The following HMG20A variants were observed in gnomAD, a reference collection of about 807,000 sequenced individuals.
HMG20A encodes high mobility group 20A.
A neutral mutation model predicts 43.9 loss-of-function variants in HMG20A; 17 were observed. The observed-to-expected ratio is 0.39, with a 90% CI of 0.27 to 0.58. The LOEUF is 0.58. HMG20A is among the 20% of genes least tolerant of loss of function. The pLI is 0.59. For missense variants in HMG20A, 341 were observed against 438.2 expected (o/e 0.78, Z 1.98); for synonymous variants, 132 against 147.5 (o/e 0.89, Z 0.76).
chr15:77,510,107 G>A, the HMG20A span, among the ~76,000 whole-genome samples: 1 of 152,164 alleles, frequency 6.6e-6, no homozygotes, highest in African/African-American at 2.4e-5. Flanking sequence ...ATCTGCGGGT[G>A]TATGGGGCTG....
At chr15:77,434,686 C>A (rs143799549) in intron 1 of HMG20A, among the ~76,000 whole-genome samples, 3 of 152,146 alleles carry the variant, frequency 2.0e-5, no homozygotes, top group African/African-American at 4.8e-5. Flanking sequence ...CTCTCAGTAT[C>A]TTGAGGCCTC....
At chr15:77,443,382 T>G (rs75603691) in intron 1 of HMG20A, among the ~76,000 whole-genome samples, 13,633 of 103,630 alleles carry the variant, frequency 0.13, 889 homozygotes, top group African/African-American at 0.24. Context: ...TGATGATGAT[T>G]ATTATTATTA....
intron 9 of HMG20A, among the ~76,000 whole-genome samples, chr15:77,480,142 A>C (rs2072893061): frequency 6.6e-6 from 1 of 151,298 alleles, no homozygotes; most frequent in African/African-American, 2.4e-5. Context: ...AATACAAAAA[A>C]TTAGCCAGGC....
the HMG20A span, among the ~76,000 whole-genome samples, chr15:77,494,910 T>C: frequency 1.3e-5 from 2 of 152,210 alleles, no homozygotes; most frequent in Admixed American, 1.3e-4. Flanking sequence ...AGGGATCTTT[T>C]CTAAAGATCA....
intron 1 of HMG20A, among the ~76,000 whole-genome samples, chr15:77,445,048 TA>T (rs1488249132): frequency 6.6e-6 from 1 of 152,040 alleles, no homozygotes; most frequent in East Asian, 1.9e-4. Context: ...GTCAGTTGAT[TA>T]AAATGAAAAA....
At chr15:77,478,585 G>C in intron 8 of HMG20A, 75 bp downstream of exon 8, 1 of 1,134,002 alleles carries the variant, frequency 8.8e-7, no homozygotes, top group Non-Finnish European at 1.3e-6. Flanking sequence ...GTTTATGTTA[G>C]TACTGGTGTG....
chr15:77,499,945 T>A, the HMG20A span, among the ~76,000 whole-genome samples: 6 of 151,906 alleles, frequency 3.9e-5, no homozygotes, highest in African/African-American at 1.5e-4. Flanking sequence ...TTCTCCTGCC[T>A]CAGCCCTCCC....
At position 77,485,474 on chromosome 15, in the gene HMG20A, T is replaced by C. The variant is rs1019023596; in HGVS notation, c.*2511T>C. On this transcript the variant is annotated 3_prime_UTR_variant, in exon 10 of 10. Coordinates refer to ENST00000336216, the MANE Select transcript of HMG20A (RefSeq NM_001304504.2). ...TTTAGAAAAAACTTGTGTACATGTGTTTGGAACTGTTGAAATGCCAAGTTT... is the reference window on the plus strand; with the variant it reads ...TTTAGAAAAAACTTGTGTACATGTGCTTGGAACTGTTGAAATGCCAAGTTT... 1 of 152,658 alleles carries C rather than the reference T, an allele frequency of 6.6e-6. No individual in the cohort carries two copies. Among genetic ancestry groups the C allele is most frequent in the Non-Finnish European group, 1.5e-5 (1 of 68,044 alleles). 9.5% of individuals were successfully genotyped at this position (152,658 alleles called of 1,614,324 possible).
chr15:77,516,809 G>A, the HMG20A span, among the ~76,000 whole-genome samples: 1 of 152,188 alleles, frequency 6.6e-6, no homozygotes, highest in Non-Finnish European at 1.5e-5. Context: ...CTAGAAGTGA[G>A]ACACAGCCTG....
At chr15:77,481,177 A>C (rs1384980798) in intron 9 of HMG20A, among the ~76,000 whole-genome samples, 3 of 152,200 alleles carry the variant, frequency 2.0e-5, no homozygotes, top group Non-Finnish European at 4.4e-5. Context: ...TAACTGTACA[A>C]GGCAATGCAT....
chr15:77,469,024 C>G lies in HMG20A; in HGVS notation c.450+1717C>G, dbSNP rs151119396. Among the ~76,000 whole-genome samples the G allele has an allele frequency of 4.1e-3, 615 of 151,760 alleles. 1 individual carries two copies. The highest frequency in any genetic ancestry group is 6.4e-3 in the Non-Finnish European group (433 of 67,906). On this transcript the variant is annotated intron_variant, in intron 4 of 9. Transcript: ENST00000336216. Reference sequence around the variant, plus strand: ...CTTTTACCTTTAACAGAACATTGCTCATTGTGTATTTTTCAGATGTTTCCT... The same window carrying G: ...CTTTTACCTTTAACAGAACATTGCTGATTGTGTATTTTTCAGATGTTTCCT...
chr15:77,507,877 T>TG, the HMG20A span, among the ~76,000 whole-genome samples: 12 of 64,028 alleles, frequency 1.9e-4, no homozygotes, highest in East Asian at 4.1e-3. Context: ...AAGCATGTTG[T>TG]GGGGGGGCGG....
intron 1 of HMG20A, among the ~76,000 whole-genome samples, chr15:77,436,034 T>C (rs978034066): frequency 8.5e-5 from 13 of 152,232 alleles, no homozygotes; most frequent in Non-Finnish European, 1.5e-4. Flanking sequence ...TGGAAACTCC[T>C]AAACTCCTGT....
chr15:77,514,455 A>G, the HMG20A span, among the ~76,000 whole-genome samples: 38,182 of 152,234 alleles, frequency 0.25, 5,363 homozygotes, highest in Non-Finnish European at 0.32. Flanking sequence ...GTGGCTACAC[A>G]CATGTTTGCA....
At chr15:77,476,983 A>G (rs970413923) in intron 6 of HMG20A, among the ~76,000 whole-genome samples, 3 of 151,690 alleles carry the variant, frequency 2.0e-5, no homozygotes, top group African/African-American at 7.3e-5. Flanking sequence ...TTGTTTGTTT[A>G]TTTTTCCTGT....
At chr15:77,481,576 C>T (rs1381475135) in intron 9 of HMG20A, among the ~76,000 whole-genome samples, 2 of 152,164 alleles carry the variant, frequency 1.3e-5, no homozygotes, top group Non-Finnish European at 2.9e-5. Flanking sequence ...GTAAGACTCT[C>T]CTAAAGCTTT....
the HMG20A span, among the ~76,000 whole-genome samples, chr15:77,497,676 AGAGAGAGTGTGT>A: frequency 1.5e-3 from 190 of 129,040 alleles, 1 homozygote; most frequent in African/African-American, 4.9e-3. Flanking sequence ...AGAGAGAGAG[AGAGAGAGTGTGT>A]GTGTGTGTGT....
At chr15:77,509,901 G>A in the HMG20A span, among the ~76,000 whole-genome samples, 6 of 120,822 alleles carry the variant, frequency 5.0e-5, no homozygotes, top group Non-Finnish European at 5.7e-5. Flanking sequence ...GCAAGACTCC[G>A]CCTCAAAAAA....
At chr15:77,497,506 G>T in the HMG20A span, among the ~76,000 whole-genome samples, 1 of 152,270 alleles carries the variant, frequency 6.6e-6, no homozygotes, top group African/African-American at 2.4e-5. Context: ...GGGCCTCAGA[G>T]CTGGCACAGC....
Sources: allele counts gnomAD v4.1 joint callset (sites outside exome capture counted in the v4.1 genomes callset), GRCh38; gene constraint gnomAD v4.1.1; transcripts MANE v1.5; gene names NCBI Gene and HGNC (gene_info 2026-07-23, HGNC 2026-07-21).